ITGB3BP: variants seen among roughly 807,000 people sequenced by gnomAD.
ITGB3BP encodes integrin subunit beta 3 binding protein.
Under a neutral mutation model 29.1 loss-of-function variants are expected in ITGB3BP, and 27 were observed. The ratio of observed to expected loss-of-function variants is 0.93; its 90% CI spans 0.68 to 1.28. The LOEUF (loss-of-function observed/expected upper bound fraction) is 1.28. ITGB3BP is among the 50% of genes most tolerant of loss of function. ITGB3BP has a pLI of 0.00. For missense variants in ITGB3BP, 192 were observed against 200.2 expected (o/e 0.96, Z 0.25); for synonymous variants, 61 against 61.4 (o/e 0.99, Z 0.03).
At chr1:63,441,973 G>T (rs968228435) in intron 8 of ITGB3BP, among the ~76,000 whole-genome samples, 1 of 152,182 alleles carries the variant, frequency 6.6e-6, no homozygotes, top group Admixed American at 6.5e-5. Flanking sequence ...GGTGGCTCAT[G>T]CCTGTACTCC....
chr1:63,471,596 C>T (rs577085587), intron 4 of ITGB3BP, among the ~76,000 whole-genome samples: 6 of 152,120 alleles, frequency 3.9e-5, no homozygotes, highest in African/African-American at 1.4e-4. Flanking sequence ...ACTTCCAATC[C>T]ACCTGGAATT....
At chr1:63,464,189 G>A (rs187997087) in intron 4 of ITGB3BP, among the ~76,000 whole-genome samples, 8 of 152,088 alleles carry the variant, frequency 5.3e-5, no homozygotes, top group South Asian at 4.2e-4. Flanking sequence ...TAAAATTCAC[G>A]AACAAGAAAA....
At chr1:63,473,129 CCTGT>C (rs1432544091) in intron 4 of ITGB3BP, among the ~76,000 whole-genome samples, 1 of 151,874 alleles carries the variant, frequency 6.6e-6, no homozygotes, top group Non-Finnish European at 1.5e-5. Context: ...GCCCTGCCGC[CCTGT>C]CTGGGATGTG....
chr1:63,500,310 G>A (rs757319768), intron 2 of ITGB3BP, among the ~76,000 whole-genome samples: 22 of 152,120 alleles, frequency 1.4e-4, no homozygotes, highest in African/African-American at 1.9e-4. Context: ...CCCAGGAGGC[G>A]GAGGTTGCAG....
chr1:63,518,096 G>A (rs907567336), intron 1 of ITGB3BP, among the ~76,000 whole-genome samples: 3 of 152,080 alleles, frequency 2.0e-5, no homozygotes, highest in South Asian at 2.1e-4. Context: ...GAGAGGGCAC[G>A]TTCTTGCCTT....
At chr1:63,506,361 T>C (rs539463274) in intron 2 of ITGB3BP, among the ~76,000 whole-genome samples, 1 of 152,154 alleles carries the variant, frequency 6.6e-6, no homozygotes, top group Non-Finnish European at 1.5e-5. Flanking sequence ...CACTTCTTAA[T>C]TGGCAGTGGC....
intron 2 of ITGB3BP, among the ~76,000 whole-genome samples, chr1:63,502,513 C>CTTTT (rs66468422): frequency 1.4e-5 from 2 of 141,982 alleles, no homozygotes; most frequent in South Asian, 2.2e-4. Flanking sequence ...AAAGGCACTT[C>CTTTT]TTTTTTTTTT....
chr1:63,514,413 T>C (rs958960831), intron 1 of ITGB3BP, among the ~76,000 whole-genome samples: 1 of 152,164 alleles, frequency 6.6e-6, no homozygotes, highest in African/African-American at 2.4e-5. Flanking sequence ...AGGTGCTAGA[T>C]CATTGGGTAG....
In ITGB3BP at chr1:63,470,686, G is replaced by C. The variant is rs138430732; in HGVS notation, c.254+8078C>G. On this transcript the variant is annotated intron_variant, in intron 4 of 8. Coordinates refer to ENST00000271002, the MANE Select transcript of ITGB3BP (RefSeq NM_014288.5). ...TGGACATCTGGATATTTTCAAATTT[G>C]AGGTGACTAGGAATTAGACTGCAAT... is the stretch of plus-strand genomic sequence containing the variant. Among the ~76,000 whole-genome samples the C allele has an allele frequency of 4.5e-4, 69 of 152,270 alleles. No homozygotes were observed. In the East Asian group the frequency reaches 0.013, roughly 29 times the overall value.
intron 4 of ITGB3BP, among the ~76,000 whole-genome samples, chr1:63,471,858 C>T (rs1429361027): frequency 1.3e-5 from 2 of 151,954 alleles, no homozygotes; most frequent in African/African-American, 4.8e-5. Context: ...CATCTCGGCT[C>T]ACTGCAAGCT....
intron 2 of ITGB3BP, among the ~76,000 whole-genome samples, chr1:63,506,584 A>G (rs1258623401): frequency 1.3e-5 from 2 of 152,206 alleles, no homozygotes; most frequent in African/African-American, 4.8e-5. Flanking sequence ...ATCAAGAGCC[A>G]TAAGCAAATG....
At chr1:63,473,196 G>C (rs1354364459) in intron 4 of ITGB3BP, among the ~76,000 whole-genome samples, 1 of 151,514 alleles carries the variant, frequency 6.6e-6, no homozygotes, top group Non-Finnish European at 1.5e-5. Flanking sequence ...GAGCGTCTCT[G>C]CCCGGCCGCC....
At chr1:63,469,403 CACA>C (rs1645157126) in intron 4 of ITGB3BP, among the ~76,000 whole-genome samples, 1 of 151,740 alleles carries the variant, frequency 6.6e-6, no homozygotes, top group African/African-American at 2.4e-5. Context: ...CTCGGCTCAC[CACA>C]ACCTCTGCCT....
chr1:63,526,937 G>A (rs1344096239), upstream of ITGB3BP, among the ~76,000 whole-genome samples: 5 of 152,136 alleles, frequency 3.3e-5, no homozygotes, highest in Non-Finnish European at 5.9e-5. Context: ...GCTAATTTTT[G>A]TATTTTTAGT....
At chr1:63,467,032 A>G (rs1343596641) in intron 4 of ITGB3BP, among the ~76,000 whole-genome samples, 1 of 151,606 alleles carries the variant, frequency 6.6e-6, no homozygotes, top group Non-Finnish European at 1.5e-5. Context: ...ACAGGTGCAC[A>G]CTACCATGCT....
chr1:63,486,673 GTAATGT>G (rs1645536951), intron 3 of ITGB3BP, among the ~76,000 whole-genome samples: 1 of 151,948 alleles, frequency 6.6e-6, no homozygotes, highest in African/African-American at 2.4e-5. Flanking sequence ...TCTTTTTCTT[GTAATGT>G]CATGATTTTT....
intron 1 of ITGB3BP, among the ~76,000 whole-genome samples, chr1:63,515,326 T>G (rs1362737627): frequency 6.6e-6 from 1 of 152,188 alleles, no homozygotes; most frequent in African/African-American, 2.4e-5. Context: ...CTTTCTATTC[T>G]ATTCTATTTA....
chr1:63,446,364 T>A (rs1357967203), intron 8 of ITGB3BP, among the ~76,000 whole-genome samples: 1 of 152,246 alleles, frequency 6.6e-6, no homozygotes, highest in Non-Finnish European at 1.5e-5. Context: ...AAGGTATAAC[T>A]AATAAATATA....
At chr1:63,511,761 G>T (rs1646204416) in intron 1 of ITGB3BP, among the ~76,000 whole-genome samples, 1 of 151,980 alleles carries the variant, frequency 6.6e-6, no homozygotes, top group Non-Finnish European at 1.5e-5. Flanking sequence ...ATAGAATGGT[G>T]GTTGCCAGGG....
Sources: gnomAD v4.1 joint callset for allele counts (sites outside exome capture counted in the v4.1 genomes callset) on GRCh38, gnomAD v4.1.1 for gene constraint, MANE v1.5 for transcripts, NCBI Gene and HGNC (gene_info 2026-07-23, HGNC 2026-07-21) for gene names.